Variants in TUSC3 observed in about 807,000 individuals in gnomAD.
The protein encoded by TUSC3 is tumor suppressor candidate 3, also known as dolichyl-diphosphooligosaccharide--protein glycosyltransferase subunit TUSC3.
In TUSC3, 45 loss-of-function variants were observed where a neutral mutation model predicts 44.8. The observed-to-expected ratio is 1.00, with a 90% CI of 0.79 to 1.29. The LOEUF is 1.29. Among genes scored for constraint, TUSC3 ranks in the 50% most tolerant of loss-of-function variants. TUSC3 has a pLI of 0.00. For synonymous variants in TUSC3, 212 were observed against 152.9 expected (o/e 1.39, Z -2.85); for missense variants, 519 against 437.9 (o/e 1.19, Z -1.65).
At chr8:15,487,244 T>C (rs556253542) in intron 2 of TUSC3, among the ~76,000 whole-genome samples, 1 of 152,360 alleles carries the variant, frequency 6.6e-6, no homozygotes, top group African/African-American at 2.4e-5. Context: ...CTACTTAATC[T>C]GAAAATATTA....
the TUSC3 span, among the ~76,000 whole-genome samples, chr8:15,818,558 T>C: frequency 6.6e-6 from 1 of 152,210 alleles, no homozygotes; most frequent in Admixed American, 6.5e-5. Flanking sequence ...AAAATGCACT[T>C]CTAAAGAGTA....
intron 1 of TUSC3, among the ~76,000 whole-genome samples, chr8:15,456,049 A>T (rs1224822583): frequency 6.6e-6 from 1 of 152,124 alleles, no homozygotes; most frequent in African/African-American, 2.4e-5. Context: ...AGAATAATTC[A>T]ATGTGTAGGA....
chr8:15,751,687 T>TAC (rs979834739), intron 9 of TUSC3, among the ~76,000 whole-genome samples: 2 of 152,116 alleles, frequency 1.3e-5, no homozygotes, highest in Non-Finnish European at 2.9e-5. Flanking sequence ...CAATGACAAG[T>TAC]ACCTATAAAA....
intron 1 of TUSC3, among the ~76,000 whole-genome samples, chr8:15,617,812 T>C (rs1805061605): frequency 6.6e-6 from 1 of 152,216 alleles, no homozygotes; most frequent in South Asian, 2.1e-4. Flanking sequence ...CCCTGGCTGA[T>C]CATTTAAAAA....
intron 1 of TUSC3, among the ~76,000 whole-genome samples, chr8:15,615,849 G>C (rs918412891): frequency 6.6e-6 from 1 of 152,134 alleles, no homozygotes; most frequent in Non-Finnish European, 1.5e-5. Context: ...AAAAAATGAA[G>C]AGAGGCTGGT....
At chr8:15,786,045 A>G in the TUSC3 span, among the ~76,000 whole-genome samples, 4 of 152,208 alleles carry the variant, frequency 2.6e-5, no homozygotes, top group African/African-American at 9.6e-5. Flanking sequence ...AAAATTATGT[A>G]TTGTTTGTAT....
chr8:15,735,074 G>A (rs1425287354), intron 7 of TUSC3, among the ~76,000 whole-genome samples: 1 of 152,184 alleles, frequency 6.6e-6, no homozygotes. Context: ...AAATTTGGCT[G>A]TGGAAAGGGA....
At chr8:15,623,313 T>A (rs1805335787) in intron 2 of TUSC3, 64 bp downstream of exon 2, 1 of 1,427,590 alleles carries the variant, frequency 7.0e-7, no homozygotes, top group East Asian at 2.5e-5. Flanking sequence ...TATTTTTATG[T>A]TCATTTTAAG....
chr8:15,693,178 T>C (rs1387127849), intron 6 of TUSC3, among the ~76,000 whole-genome samples: 1 of 152,206 alleles, frequency 6.6e-6, no homozygotes, highest in Non-Finnish European at 1.5e-5. Flanking sequence ...CTGATATGTA[T>C]GGATTTGATC....
intron 1 of TUSC3, among the ~76,000 whole-genome samples, chr8:15,427,646 T>A (rs539971361): frequency 6.6e-6 from 1 of 152,038 alleles, no homozygotes; most frequent in East Asian, 1.9e-4. Flanking sequence ...AACTTTCACT[T>A]CTTCTCTAAA....
At chr8:15,798,492 G>A in the TUSC3 span, among the ~76,000 whole-genome samples, 2 of 152,062 alleles carry the variant, frequency 1.3e-5, no homozygotes, top group African/African-American at 2.4e-5. Flanking sequence ...CGCTGAGATC[G>A]GGGTAGAGAA....
intron 5 of TUSC3, 70 bp downstream of exon 5, chr8:15,662,366 C>CAAAATGAGCCAGATAT: frequency 6.3e-7 from 1 of 1,584,782 alleles, no homozygotes; most frequent in Non-Finnish European, 8.7e-7. Flanking sequence ...ATAATATTAA[C>CAAAATGAGCCAGATAT]AAAATGAGCC....
intron 2 of TUSC3, among the ~76,000 whole-genome samples, chr8:15,492,009 G>A (rs1800815788): frequency 6.6e-6 from 1 of 152,084 alleles, no homozygotes; most frequent in Non-Finnish European, 1.5e-5. Context: ...ATACCTCCAG[G>A]TTTTTGCATG....
At chr8:15,601,320 C>G (rs1484446489) in intron 1 of TUSC3, among the ~76,000 whole-genome samples, 1 of 151,618 alleles carries the variant, frequency 6.6e-6, no homozygotes, top group African/African-American at 2.4e-5. Flanking sequence ...TCAAACTGTT[C>G]TGTGACCAGT....
At chr8:15,590,693 A>G (rs1803792934) in intron 1 of TUSC3, among the ~76,000 whole-genome samples, 1 of 151,614 alleles carries the variant, frequency 6.6e-6, no homozygotes, top group Non-Finnish European at 1.5e-5. Context: ...CTTTTCTGAG[A>G]CAGGGTTTTG....
chr8:15,523,318 C>A (rs13274201), intron 2 of TUSC3, among the ~76,000 whole-genome samples: 1 of 151,804 alleles, frequency 6.6e-6, no homozygotes, highest in African/African-American at 2.4e-5. Context: ...AGATGAGAAG[C>A]GGCACAGGGA....
rs763491484 is a variant in TUSC3 at position 15,765,534 on chromosome 8, G to C, written c.*1378G>C. The C allele has an allele frequency of 1.8e-4, 27 of 151,940 alleles. No homozygotes were observed. The highest frequency in any genetic ancestry group is 2.9e-5 in the Non-Finnish European group (2 of 67,924). 9.4% of individuals were successfully genotyped at this position (151,940 alleles called of 1,614,324 possible). On this transcript the variant is annotated 3_prime_UTR_variant, in exon 11 of 11. Coordinates refer to ENST00000503731, the MANE Select transcript of TUSC3 (RefSeq NM_006765.4). ...TTCAATGAAGAATGGGAATATAAAG[G>C]CCTACTGGGGCATGTTTATCAAGTT... is the stretch of plus-strand genomic sequence containing the variant.
At chr8:15,761,359 T>C (rs545459374) in intron 10 of TUSC3, among the ~76,000 whole-genome samples, 39 of 152,276 alleles carry the variant, frequency 2.6e-4, no homozygotes, top group African/African-American at 8.7e-4. Flanking sequence ...TGATGGACTT[T>C]AAGCAAAAAT....
intron 6 of TUSC3, among the ~76,000 whole-genome samples, chr8:15,681,088 G>T (rs1454839832): frequency 1.3e-5 from 2 of 149,782 alleles, no homozygotes; most frequent in Non-Finnish European, 3.0e-5. Flanking sequence ...CGGTGCTGCT[G>T]GCTACATAGA....
Sources: allele counts gnomAD v4.1 joint callset (sites outside exome capture counted in the v4.1 genomes callset), GRCh38; gene constraint gnomAD v4.1.1; transcripts MANE v1.5; gene names NCBI Gene and HGNC (gene_info 2026-07-23, HGNC 2026-07-21).